CDH20: variants seen among roughly 807,000 people sequenced by gnomAD.
CDH20 encodes the protein cadherin 20.
In CDH20, 29 loss-of-function variants were observed where a neutral mutation model predicts 74.2. The ratio of observed to expected loss-of-function variants is 0.39; its 90% CI spans 0.29 to 0.53. The LOEUF is 0.53. Ranked by LOEUF, CDH20 falls within the 20% of genes least tolerant of loss-of-function variation. The pLI, the probability that CDH20 is intolerant of heterozygous loss-of-function variation, is 0.69. For synonymous variants in CDH20, 469 were observed against 405.4 expected, an observed-to-expected ratio of 1.16 and a Z score of -1.88; for missense variants, 988 against 1,048.3, an observed-to-expected ratio of 0.94 and a Z score of 0.79.
chr18:61,520,315 CAAAA>C (rs58685164), intron 6 of CDH20, among the ~76,000 whole-genome samples: 7 of 122,044 alleles, frequency 5.7e-5, no homozygotes, highest in Admixed American at 9.4e-5. Flanking sequence ...GACTCCGTCT[CAAAA>C]AAAAAAAAAA....
intron 1 of CDH20, among the ~76,000 whole-genome samples, chr18:61,463,751 C>G (rs1909863313): frequency 6.6e-6 from 1 of 152,104 alleles, no homozygotes; most frequent in African/African-American, 2.4e-5. Context: ...TCGGTCAACT[C>G]CCAACTCTGG....
At chr18:61,379,861 T>A (rs900481769) in intron 1 of CDH20, among the ~76,000 whole-genome samples, 1 of 152,196 alleles carries the variant, frequency 6.6e-6, no homozygotes, top group African/African-American at 2.4e-5. Flanking sequence ...AGGTCTTTGA[T>A]GGTTTCATTT....
intron 6 of CDH20, among the ~76,000 whole-genome samples, chr18:61,509,258 G>C (rs905339173): frequency 2.0e-5 from 3 of 152,298 alleles, no homozygotes; most frequent in African/African-American, 7.2e-5. Flanking sequence ...GGGTGATTGG[G>C]ACTGGTGTCA....
intron 1 of CDH20, among the ~76,000 whole-genome samples, chr18:61,441,146 T>C (rs1193898338): frequency 6.6e-5 from 10 of 152,108 alleles, no homozygotes; most frequent in African/African-American, 1.2e-4. Flanking sequence ...AGGTATAAGC[T>C]CCCTATGATA....
intron 1 of CDH20, among the ~76,000 whole-genome samples, chr18:61,411,044 C>CA (rs200881744): frequency 0.2 from 30,955 of 151,836 alleles, 3,359 homozygotes; most frequent in Non-Finnish European, 0.25. Context: ...ACTAAAAATA[C>CA]AAAAAATTAG....
chr18:61,537,244 T>C (rs1912847195), intron 8 of CDH20, among the ~76,000 whole-genome samples: 2 of 152,076 alleles, frequency 1.3e-5, no homozygotes, highest in Admixed American at 1.3e-4. Context: ...GCTATATAAC[T>C]AAACAGCCAT....
chr18:61,344,854 T>A (rs1214332921), intron 1 of CDH20, among the ~76,000 whole-genome samples: 1 of 152,204 alleles, frequency 6.6e-6, no homozygotes, highest in Non-Finnish European at 1.5e-5. Context: ...CAAGGGTTTT[T>A]TTTAAAGATA....
At chr18:61,534,601 ATGGATGAATCTAGACGACAT>A (rs1912757555) in intron 7 of CDH20, among the ~76,000 whole-genome samples, 1 of 152,268 alleles carries the variant, frequency 6.6e-6, no homozygotes, top group Non-Finnish European at 1.5e-5. Flanking sequence ...CATTTGCAAC[ATGGATGAATCTAGACGACAT>A]TATGCTAAAT....
intron 3 of CDH20, 80 bp downstream of exon 3, chr18:61,499,560 A>G (rs772542021): frequency 3.3e-5 from 36 of 1,088,212 alleles, no homozygotes; most frequent in Non-Finnish European, 4.4e-5. Flanking sequence ...ACATGCACAC[A>G]CACATGTAGA....
intron 7 of CDH20, among the ~76,000 whole-genome samples, chr18:61,535,790 C>T (rs1912800003): frequency 1.3e-5 from 2 of 152,180 alleles, no homozygotes; most frequent in Admixed American, 1.3e-4. Context: ...TGTGATGGAA[C>T]ATTTGCTTGT....
At chr18:61,502,575 T>A (rs1169878119) in intron 4 of CDH20, among the ~76,000 whole-genome samples, 1 of 152,126 alleles carries the variant, frequency 6.6e-6, no homozygotes, top group Non-Finnish European at 1.5e-5. Flanking sequence ...ATTTGTAGAC[T>A]TATGAGGCTT....
chr18:61,442,195 C>T (rs144218095), intron 1 of CDH20, among the ~76,000 whole-genome samples: 65 of 151,886 alleles, frequency 4.3e-4, no homozygotes, highest in African/African-American at 1.5e-3. Flanking sequence ...ACGTAAAAAA[C>T]TGAAAATTGG....
At chr18:61,520,315 C>CAA (rs58685164) in intron 6 of CDH20, among the ~76,000 whole-genome samples, 2,207 of 121,980 alleles carry the variant, frequency 0.018, 185 homozygotes, top group African/African-American at 0.064. Flanking sequence ...GACTCCGTCT[C>CAA]AAAAAAAAAA....
intron 1 of CDH20, among the ~76,000 whole-genome samples, chr18:61,452,069 G>C (rs1909408445): frequency 6.6e-6 from 1 of 151,956 alleles, no homozygotes; most frequent in Non-Finnish European, 1.5e-5. Context: ...CCACAGTGCT[G>C]GTTATTCCAG....
rs577276273 is a variant in CDH20, at chr18:61,538,931, C to T, written c.1409-93C>T. Reference sequence around the variant, plus strand: ...ACAGGCGTGAGCCACTGCGCCCAGTCGTAAATACCGACTTCTAGCAAAAAC... The same window carrying T: ...ACAGGCGTGAGCCACTGCGCCCAGTTGTAAATACCGACTTCTAGCAAAAAC... On this transcript the variant is annotated intron_variant, in intron 8 of 11. Transcript: ENST00000262717. 296 of 1,471,250 alleles carry T rather than the reference C, an allele frequency of 2.0e-4. 4 individuals are homozygous for T. In the South Asian group the frequency reaches 2.9e-3, roughly 15 times the overall value. 91.1% of individuals were successfully genotyped at this position (1,471,250 alleles called of 1,614,324 possible).
At chr18:61,452,420 C>T (rs1909423873) in intron 1 of CDH20, among the ~76,000 whole-genome samples, 1 of 152,106 alleles carries the variant, frequency 6.6e-6, no homozygotes, top group African/African-American at 2.4e-5. Context: ...TATCATCCTT[C>T]CAACAATTCT....
At chr18:61,350,821 C>CTG (rs1194271990) in intron 1 of CDH20, among the ~76,000 whole-genome samples, 7 of 152,232 alleles carry the variant, frequency 4.6e-5, no homozygotes, top group Admixed American at 4.6e-4. Context: ...CTCAAAGTCA[C>CTG]CAGGGGAGCA....
At chr18:61,365,588 C>A (rs562372618) in intron 1 of CDH20, among the ~76,000 whole-genome samples, 261 of 152,136 alleles carry the variant, frequency 1.7e-3, no homozygotes, top group Non-Finnish European at 3.3e-3. Flanking sequence ...TCAAAACAAC[C>A]CCCTTCCGCT....
intron 1 of CDH20, among the ~76,000 whole-genome samples, chr18:61,372,033 G>A (rs542561861): frequency 1.3e-5 from 2 of 152,188 alleles, no homozygotes; most frequent in East Asian, 3.9e-4. Flanking sequence ...GTAAAAACAT[G>A]AGATTGGAGT....
Sources: allele counts gnomAD v4.1 joint callset (sites outside exome capture counted in the v4.1 genomes callset), GRCh38; gene constraint gnomAD v4.1.1; transcripts MANE v1.5; gene names NCBI Gene and HGNC (gene_info 2026-07-23, HGNC 2026-07-21).